The following B3GALT1 variants were observed in gnomAD, a reference collection of about 807,000 sequenced individuals.
B3GALT1 encodes the protein UDP-Gal:betaGlcNAc beta 1,3-galactosyltransferase, polypeptide 1.
B3GALT1 carries 10 observed loss-of-function variants against 23.2 expected under a neutral mutation model. The observed-to-expected ratio is 0.43, with a 90% CI of 0.27 to 0.73. B3GALT1 has a LOEUF of 0.73. Among genes scored for constraint, B3GALT1 ranks in the 30% least tolerant of loss-of-function variants. The probability of loss-of-function intolerance (pLI) is 0.21; values close to 1 mark genes in which losing one functional copy is unlikely to be tolerated. For missense variants in B3GALT1, 299 were observed against 405.4 expected (o/e 0.74, Z 2.25); for synonymous variants, 156 against 141.5 (o/e 1.10, Z -0.73).
At chr2:167,561,718 A>T (rs1326613395) in intron 2 of B3GALT1, among the ~76,000 whole-genome samples, 8 of 152,232 alleles carry the variant, frequency 5.3e-5, no homozygotes, top group Non-Finnish European at 7.3e-5. Flanking sequence ...GAAATGGATA[A>T]ATTCCTTGAC....
intron 1 of B3GALT1, among the ~76,000 whole-genome samples, chr2:167,332,911 G>A (rs140557807): frequency 2.0e-4 from 30 of 152,322 alleles, no homozygotes; most frequent in African/African-American, 6.3e-4. Flanking sequence ...TACATTTCAT[G>A]CCTTACCTGG....
chr2:167,752,809 T>C (rs533999225), intron 3 of B3GALT1, among the ~76,000 whole-genome samples: 56 of 152,260 alleles, frequency 3.7e-4, no homozygotes, highest in Admixed American at 7.2e-4. Context: ...GCAAGGGCAT[T>C]TGGGGAGCTG....
chr2:167,324,383 T>C (rs1574032807), intron 1 of B3GALT1, among the ~76,000 whole-genome samples: 1 of 152,188 alleles, frequency 6.6e-6, no homozygotes, highest in Non-Finnish European at 1.5e-5. Flanking sequence ...CATTAGTTCA[T>C]AGTGCAAGGC....
chr2:167,532,661 T>A (rs905333196), intron 2 of B3GALT1, among the ~76,000 whole-genome samples: 5 of 152,132 alleles, frequency 3.3e-5, no homozygotes, highest in African/African-American at 1.2e-4. Context: ...TGCTTATGTA[T>A]AACCTATGCA....
chr2:167,617,189 A>G (rs1685175420), intron 2 of B3GALT1, among the ~76,000 whole-genome samples: 1 of 152,082 alleles, frequency 6.6e-6, no homozygotes, highest in African/African-American at 2.4e-5. Context: ...TAGCTGCCTA[A>G]GCTGTAACCA....
At chr2:167,300,101 C>T (rs921209519) in intron 1 of B3GALT1, among the ~76,000 whole-genome samples, 2 of 152,100 alleles carry the variant, frequency 1.3e-5, no homozygotes, top group Non-Finnish European at 2.9e-5. Context: ...TACGGGGTTT[C>T]ACCATGTTGG....
rs116080706 is a variant in B3GALT1, at chr2:167,832,911, G to A, written c.-230+14118G>A. Among the ~76,000 whole-genome samples the A allele has an allele frequency of 6.4e-3, 972 of 152,314 alleles. 8 individuals carry two copies. Among genetic ancestry groups the A allele is most frequent in the African/African-American group, 0.022 (922 of 41,562 alleles). On this transcript the variant is annotated intron_variant, in intron 4 of 4. Transcript: ENST00000392690. ...GGTTCCTTCCTTTGGGGGAGGAGCG[G>A]CTGCACATGGCACCATTAGAGGTGA...
intron 2 of B3GALT1, among the ~76,000 whole-genome samples, chr2:167,616,011 T>C (rs953024683): frequency 1.3e-5 from 2 of 152,002 alleles, no homozygotes; most frequent in Non-Finnish European, 2.9e-5. Context: ...TTATGAGTTA[T>C]TCATGGTCAG....
At position 167,842,537 on chromosome 2, in the gene B3GALT1, A is replaced by G. The variant is rs931622450; in HGVS notation, c.-230+23744A>G. Among the ~76,000 whole-genome samples, 2 of 152,338 alleles carry G rather than the reference A, an allele frequency of 1.3e-5. 1 individual carries two copies. ...AGATTGCTAATAAGTTGTATTAAAT[A>G]TTTAACTGTATGTATAATTTTCTTT... is the stretch of plus-strand genomic sequence containing the variant. On this transcript the variant is annotated intron_variant, in intron 4 of 4. Coordinates refer to ENST00000392690, the MANE Select transcript of B3GALT1 (RefSeq NM_020981.4).
intron 1 of B3GALT1, among the ~76,000 whole-genome samples, chr2:167,459,803 T>C (rs186534574): frequency 5.6e-4 from 85 of 152,270 alleles, no homozygotes; most frequent in African/African-American, 2.0e-3. Flanking sequence ...TAATGAACTT[T>C]TGTTTATCTG....
rs867958744 is a variant in B3GALT1 at position 167,300,332 on chromosome 2, T to A, written c.-511+6998T>A. ...TCAAAAGCTTCCTAAGGGACATTTT[T>A]AATAAATGTAAATAAGTAGAGAAAA... is the stretch of plus-strand genomic sequence containing the variant. On this transcript the variant is annotated intron_variant, in intron 1 of 4. Coordinates refer to ENST00000392690, the MANE Select transcript of B3GALT1 (RefSeq NM_020981.4). Among the ~76,000 whole-genome samples the A allele has an allele frequency of 4.9e-4, 74 of 152,332 alleles. 1 individual carries two copies. The highest frequency in any genetic ancestry group is 6.8e-3 in the Middle Eastern group (2 of 294).
chr2:167,528,617 C>T (rs991887965), intron 2 of B3GALT1, among the ~76,000 whole-genome samples: 3 of 152,038 alleles, frequency 2.0e-5, no homozygotes, highest in African/African-American at 7.3e-5. Context: ...TCTCAGTTTC[C>T]TTATGTATAA....
chr2:167,865,498 T>G (rs1225117493), intron 4 of B3GALT1, among the ~76,000 whole-genome samples: 2 of 150,614 alleles, frequency 1.3e-5, no homozygotes, highest in Admixed American at 1.3e-4. Context: ...GAACTGCTAT[T>G]GAAATAAATG....
At chr2:167,665,758 T>A (rs1164754978) in intron 3 of B3GALT1, among the ~76,000 whole-genome samples, 1 of 152,218 alleles carries the variant, frequency 6.6e-6, no homozygotes, top group Non-Finnish European at 1.5e-5. Context: ...CGTAGAGGTG[T>A]TTGTACTATT....
intron 1 of B3GALT1, among the ~76,000 whole-genome samples, chr2:167,449,464 A>G (rs112275091): frequency 1.3e-5 from 2 of 152,280 alleles, no homozygotes; most frequent in African/African-American, 4.8e-5. Context: ...AACATTGCTG[A>G]ATGTATTTAC....
chr2:167,464,377 T>A (rs1283679195), intron 1 of B3GALT1, among the ~76,000 whole-genome samples: 1 of 152,216 alleles, frequency 6.6e-6, no homozygotes, highest in Non-Finnish European at 1.5e-5. Context: ...TAAGTAGAAT[T>A]GTTTTTCCTG....
intron 1 of B3GALT1, among the ~76,000 whole-genome samples, chr2:167,321,564 T>A (rs1387231889): frequency 6.6e-6 from 1 of 152,016 alleles, no homozygotes; most frequent in Non-Finnish European, 1.5e-5. Context: ...CCACATCTAA[T>A]GAGACACCTG....
intron 1 of B3GALT1, among the ~76,000 whole-genome samples, chr2:167,337,208 A>G (rs1697070984): frequency 6.6e-6 from 1 of 151,452 alleles, no homozygotes; most frequent in South Asian, 2.1e-4. Flanking sequence ...CAAAGGATAT[A>G]TTTTTTTTTG....
At chr2:167,858,790 T>G (rs1690046028) in intron 4 of B3GALT1, among the ~76,000 whole-genome samples, 1 of 152,142 alleles carries the variant, frequency 6.6e-6, no homozygotes, top group Admixed American at 6.6e-5. Context: ...AAAGGAACAA[T>G]TGAAAACAAA....
Sources: gnomAD v4.1 joint callset for allele counts (sites outside exome capture counted in the v4.1 genomes callset) on GRCh38, gnomAD v4.1.1 for gene constraint, MANE v1.5 for transcripts, NCBI Gene and HGNC (gene_info 2026-07-23, HGNC 2026-07-21) for gene names.